TMEM183A: variants seen among roughly 807,000 people sequenced by gnomAD.
The protein encoded by TMEM183A is transmembrane protein 183A, also known as chromosome 1 open reading frame 37.
TMEM183A carries 21 observed loss-of-function variants against 46.7 expected under a neutral mutation model. The observed-to-expected ratio is 0.45, with a 90% CI of 0.32 to 0.65. The LOEUF (loss-of-function observed/expected upper bound fraction) is 0.65. Among genes scored for constraint, TMEM183A ranks in the 30% least tolerant of loss-of-function variants. TMEM183A has a pLI of 0.04. For missense variants in TMEM183A, 331 were observed against 481.9 expected, an observed-to-expected ratio of 0.69 and a Z score of 2.93; for synonymous variants, 165 against 180.2, an observed-to-expected ratio of 0.92 and a Z score of 0.68.
rs746985868 is a variant in TMEM183A at position 203,020,784 on chromosome 1, T to C, written c.790-9T>C. The C allele has an allele frequency of 5.0e-6, 8 of 1,613,608 alleles. No homozygotes were observed. The highest frequency in any genetic ancestry group is 1.7e-5 in the Admixed American group (1 of 59,960). ...CTAAGCCATTGGATTAATTCTCAGTTCTCTTCAGTCCCCTAGGTTAAAGAG... is the reference window on the plus strand; with the variant it reads ...CTAAGCCATTGGATTAATTCTCAGTCCTCTTCAGTCCCCTAGGTTAAAGAG... On this transcript the variant is annotated splice_polypyrimidine_tract_variant and intron_variant, in intron 6 of 7. Coordinates refer to ENST00000367242, the MANE Select transcript of TMEM183A (RefSeq NM_138391.6).
rs1656059477 is a variant in TMEM183A, at chr1:203,007,510, G to A, written c.45G>A (p.Thr15=). The change falls in exon 1 of 8, where the codon ACG becomes ACA. Residue 15 remains threonine (T), a synonymous_variant. Transcript: ENST00000367242. ...PGPLGRPRPD[T]VAMPKRGKRL... is the part of the protein sequence containing the mutation. ...CGCTAGGCAGGCCTCGCCCCGATACGGTCGCCATGCCCAAGAGAGGAAAGC... is the reference window on the plus strand; with the variant it reads ...CGCTAGGCAGGCCTCGCCCCGATACAGTCGCCATGCCCAAGAGAGGAAAGC... The A allele has an allele frequency of 4.6e-6, 7 of 1,530,234 alleles. No individual in the cohort carries two copies. The highest frequency in any genetic ancestry group is 1.4e-5 in the African/African-American group (1 of 72,736). The allele number at this position is 1,530,234 out of a possible 1,614,324, so 94.8% of individuals were successfully genotyped here.
intron 3 of TMEM183A, 137 bp from the exon 4 acceptor site, chr1:203,014,751 GA>G: frequency 1.6e-6 from 2 of 1,279,798 alleles, no homozygotes; most frequent in Non-Finnish European, 1.0e-6. Context: ...AGCAGGAAAT[GA>G]TAAGTTTGAG....
Position 203,013,222 on chromosome 1 carries a change from T to C in TMEM183A, c.368-1667T>C, listed in dbSNP as rs959354398. Among the ~76,000 whole-genome samples, 1 of 152,198 alleles carries C rather than the reference T, an allele frequency of 6.6e-6. No individual in the cohort carries two copies. The highest frequency in any genetic ancestry group is 1.5e-5 in the Non-Finnish European group (1 of 68,048). ...AAGAACCTAACCAAATAACCTGATC[T>C]AATCATAGAGCTGTAGGAAGCAGTT... On this transcript the variant is annotated intron_variant, in intron 3 of 7. Coordinates refer to ENST00000367242, the MANE Select transcript of TMEM183A (RefSeq NM_138391.6). The surrounding 1 kb of genome is among the most constrained non-coding windows in gnomAD (Gnocchi z 4.0).
chr1:203,020,487 A>T (rs562264920), intron 6 of TMEM183A, among the ~76,000 whole-genome samples: 3 of 152,178 alleles, frequency 2.0e-5, no homozygotes, highest in Non-Finnish European at 4.4e-5. Flanking sequence ...AGTTACAAGG[A>T]ATTTGCAGTC....
At chr1:203,021,018 A>G (rs981460099) in intron 7 of TMEM183A, 70 bp downstream of exon 7, 82 of 1,284,960 alleles carry the variant, frequency 6.4e-5, no homozygotes, top group Non-Finnish European at 7.8e-5. Context: ...AAGGAGGTGA[A>G]CCGCAGCTCT....
intron 1 of TMEM183A, 96 bp downstream of exon 1, chr1:203,007,670 TGGAG>T (rs948204264): frequency 2.6e-6 from 4 of 1,546,634 alleles, no homozygotes; most frequent in Non-Finnish European, 3.5e-6. Context: ...TGCCCGCGGC[TGGAG>T]GGCGGCTCGG....
chr1:203,011,634 C>T (rs1656594175), intron 3 of TMEM183A, among the ~76,000 whole-genome samples: 1 of 152,112 alleles, frequency 6.6e-6, no homozygotes, highest in Non-Finnish European at 1.5e-5. Context: ...GTCTCGAACT[C>T]CAGACCTCCG....
intron 7 of TMEM183A, 79 bp downstream of exon 7, chr1:203,021,027 C>CTTTTT (rs869177251): frequency 7.2e-6 from 5 of 697,524 alleles, no homozygotes; most frequent in Non-Finnish European, 9.1e-6. Flanking sequence ...AACCGCAGCT[C>CTTTTT]TTTTTTTTTT....
In TMEM183A at chr1:203,013,231, A is replaced by C. The variant is rs1448011429; in HGVS notation, c.368-1658A>C. 6.6e-6 allele frequency among the ~76,000 whole-genome samples: 1 copy of C among 152,214 alleles called. No individual in the cohort carries two copies. Among genetic ancestry groups the C allele is most frequent in the African/African-American group, 2.4e-5 (1 of 41,452 alleles). On this transcript the variant is annotated intron_variant, in intron 3 of 7. Coordinates refer to ENST00000367242, the MANE Select transcript of TMEM183A (RefSeq NM_138391.6). This position sits in a 1 kb window ranked among gnomAD's most constrained non-coding sequence, Gnocchi z 4.0. ...ACCAAATAACCTGATCTAATCATAG[A>C]GCTGTAGGAAGCAGTTAGCTAGAAA...
At chr1:203,017,078 G>T (rs1355499015) in intron 5 of TMEM183A, among the ~76,000 whole-genome samples, 1 of 152,124 alleles carries the variant, frequency 6.6e-6, no homozygotes, top group South Asian at 2.1e-4. Context: ...GATTATCGAG[G>T]TTCCCCCCAG....
rs1657901537 is a variant in TMEM183A at position 203,023,370 on chromosome 1, T to C, written c.*330T>C. On this transcript the variant is annotated 3_prime_UTR_variant, in exon 8 of 8. Transcript: ENST00000367242. ...TTGCTGTAGGGAAAAATTAAACTCT[T>C]TGAATCTCCAAACAAGGAAGTTTCA... 6.4e-6 allele frequency: 1 copy of C among 156,322 alleles called. No homozygotes were observed. Among genetic ancestry groups the C allele is most frequent in the Non-Finnish European group, 1.4e-5 (1 of 70,628 alleles). 9.7% of individuals were successfully genotyped at this position (156,322 alleles called of 1,614,324 possible).
intron 7 of TMEM183A, among the ~76,000 whole-genome samples, chr1:203,022,519 A>G (rs986568764): frequency 2.6e-5 from 4 of 152,100 alleles, no homozygotes; most frequent in Non-Finnish European, 4.4e-5. Context: ...CCTGGCCAAC[A>G]TGGCAAAACC....
rs1222221482 is a variant in TMEM183A, at chr1:203,023,893, G to A, written c.*853G>A. On this transcript the variant is annotated 3_prime_UTR_variant, in exon 8 of 8. Transcript: ENST00000367242. ...TGGTAGATGGTGGTAAAAAGGAGTAGGCAGAGTGTACATAGATAAAAAAAA... is the reference window on the plus strand; with the variant it reads ...TGGTAGATGGTGGTAAAAAGGAGTAAGCAGAGTGTACATAGATAAAAAAAA... The A allele has an allele frequency of 6.6e-6, 1 of 152,130 alleles. No homozygotes were observed. Among genetic ancestry groups the A allele is most frequent in the Non-Finnish European group, 1.5e-5 (1 of 68,034 alleles). The allele number at this position is 152,130 out of a possible 1,614,324, so 9.4% of individuals were successfully genotyped here. A position where few individuals can be genotyped will look rare whatever the true frequency, so the allele number is the denominator to read the frequency against.
intron 7 of TMEM183A, among the ~76,000 whole-genome samples, 157 bp downstream of exon 7, chr1:203,021,105 C>T (rs145326613): frequency 7.0e-6 from 1 of 143,786 alleles, no homozygotes; most frequent in Non-Finnish European, 1.5e-5. Context: ...AATCATCACT[C>T]ATTGCAACCT....
chr1:203,018,639 G>A, intron 6 of TMEM183A, 78 bp downstream of exon 6: 1 of 1,504,084 alleles, frequency 6.6e-7, no homozygotes, highest in Non-Finnish European at 9.2e-7. Flanking sequence ...TAGTCTGTTT[G>A]TGTTGCTATA....
chr1:203,020,982 CTTTTTTTTT>C, intron 7 of TMEM183A, 34 bp downstream of exon 7: 1 of 1,233,058 alleles, frequency 8.1e-7, no homozygotes, highest in Non-Finnish European at 1.0e-6. Context: ...TTCTCAGCTC[CTTTTTTTTT>C]TTTTTTTTCA....
Position 203,007,758 on chromosome 1 carries a change from T to A in TMEM183A, c.110-16T>A, listed in dbSNP as rs1181158529. 1.2e-6 allele frequency: 2 copies of A among 1,613,756 alleles called. No homozygotes were observed. The highest frequency in any genetic ancestry group is 1.7e-6 in the Non-Finnish European group (2 of 1,179,702). On this transcript the variant is annotated splice_polypyrimidine_tract_variant and intron_variant, in intron 1 of 7. Transcript: ENST00000367242. ...GAGAGAAGGCCTCTTCCTTGAGGGT[T>A]GGTGCTGTGTTGCAGTGACCGTGGC...
intron 5 of TMEM183A, among the ~76,000 whole-genome samples, chr1:203,016,556 C>T (rs1451844264): frequency 6.6e-6 from 1 of 152,142 alleles, no homozygotes; most frequent in African/African-American, 2.4e-5. Flanking sequence ...TCTAATGCAA[C>T]CTTGACATCA....
chr1:203,020,094 A>G (rs1657525466), intron 6 of TMEM183A, among the ~76,000 whole-genome samples: 1 of 152,334 alleles, frequency 6.6e-6, no homozygotes, highest in South Asian at 2.1e-4. Context: ...CACAAATACT[A>G]TGAATTATTC....
Sources: allele counts gnomAD v4.1 joint callset (sites outside exome capture counted in the v4.1 genomes callset), GRCh38; gene constraint gnomAD v4.1.1; non-coding constraint Gnocchi (gnomAD v3.1); transcripts MANE v1.5; gene names NCBI Gene and HGNC (gene_info 2026-07-23, HGNC 2026-07-21).